Variants in ZSCAN2 observed in about 807,000 individuals in gnomAD.
The protein encoded by ZSCAN2 is zinc finger and SCAN domain-containing protein 2.
A neutral mutation model predicts 47.8 loss-of-function variants in ZSCAN2; 26 were observed. The observed-to-expected ratio is 0.54, with a 90% CI of 0.40 to 0.75. The LOEUF is 0.75. ZSCAN2 is among the 30% of genes least tolerant of loss of function. The pLI is 0.00. For missense variants in ZSCAN2, 732 were observed against 785.4 expected (o/e 0.93, Z 0.81); for synonymous variants, 305 against 288.7 (o/e 1.06, Z -0.57).
Position 84,623,247 on chromosome 15 carries a change from C to A in ZSCAN2, c.*1207C>A. 6.0e-6 allele frequency: 1 copy of A among 165,572 alleles called. No individual in the cohort carries two copies. Among genetic ancestry groups the A allele is most frequent in the Non-Finnish European group, 1.3e-5 (1 of 74,834 alleles). The allele number at this position is 165,572 out of a possible 1,614,324, so 10.3% of individuals were successfully genotyped here. A position where few individuals can be genotyped will look rare whatever the true frequency, so the allele number is the denominator to read the frequency against. The stretch of plus-strand genomic sequence containing the variant: ...GGACTACAGGTGCCCACCACCACAC[C>A]CAGCTAATTTCTTTTTTTGTATTTT... On this transcript the variant is annotated 3_prime_UTR_variant, in exon 3 of 3. Transcript: ENST00000546148.
intron 2 of ZSCAN2, among the ~76,000 whole-genome samples, chr15:84,604,793 A>G (rs1205033845): frequency 7.2e-6 from 1 of 138,402 alleles, no homozygotes; most frequent in Non-Finnish European, 1.5e-5. Flanking sequence ...GCTGGGGTGC[A>G]GTGGCACAAT....
Position 84,604,147 on chromosome 15 carries a change from C to T in ZSCAN2, c.220C>T (p.Gln74Ter). Residue 74 changes from glutamine to a stop codon, truncating the protein, a stop_gained, in exon 2 of 3, where the codon CAG (glutamine) becomes TAG (stop). Coordinates refer to ENST00000546148, the MANE Select transcript of ZSCAN2 (RefSeq NM_181877.4). LOFTEE classifies it high-confidence loss of function. ...CCAGGAGGAGGTGACCAGGGGACCA[C>T]AGGGTGCACTCGGCCGCCTCCGAGA... ...GPQEEVTRGP[Q>*]GALGRLRELC... The T allele has an allele frequency of 6.2e-7, 1 of 1,613,832 alleles. No individual in the cohort carries two copies. Among genetic ancestry groups the T allele is most frequent in the Non-Finnish European group, 8.5e-7 (1 of 1,179,894 alleles).
At chr15:84,607,253 T>A (rs1025155266) in intron 2 of ZSCAN2, among the ~76,000 whole-genome samples, 1 of 152,142 alleles carries the variant, frequency 6.6e-6, no homozygotes, top group Non-Finnish European at 1.5e-5. Flanking sequence ...ACTGAACCTG[T>A]CTTCAGCTTC....
chr15:84,604,291 GCGGCCCTGGTGGAAGA>G lies in ZSCAN2; in HGVS notation c.366_381del (p.Ala123Ter). 6.2e-7 allele frequency: 1 copy of G among 1,613,772 alleles called. No homozygotes were observed. Among genetic ancestry groups the G allele is most frequent in the South Asian group, 1.1e-5 (1 of 91,034 alleles). On this transcript the variant is annotated frameshift_variant, in exon 2 of 3. Coordinates refer to ENST00000546148, the MANE Select transcript of ZSCAN2 (RefSeq NM_181877.4). LOFTEE classifies it high-confidence loss of function. The stretch of plus-strand genomic sequence containing the variant: ...TCGGCCTGAAAGCAGTGAGGAGGCA[GCGGCCCTGGTGGAAGA>G]CTTGACCCAGACCCTTCAGGACAGT...
rs779983081 is a variant in ZSCAN2, at chr15:84,620,790, G to A, written c.595G>A (p.Val199Met). Residue 199 changes from valine to methionine, a missense_variant, in exon 3 of 3, where the codon GTG (valine) becomes ATG (methionine). Transcript: ENST00000546148. ...GHSPGEDHGEVVSQDREVGQL... is the reference protein window; with the variant it reads ...GHSPGEDHGEMVSQDREVGQL... Reference sequence around the variant, plus strand: ...CAGCCCAGGTGAGGACCACGGGGAGGTGGTTTCTCAGGACAGGGAAGTTGG... The same window carrying A: ...CAGCCCAGGTGAGGACCACGGGGAGATGGTTTCTCAGGACAGGGAAGTTGG... The A allele has an allele frequency of 6.2e-6, 10 of 1,614,228 alleles. No individual in the cohort carries two copies. Among genetic ancestry groups the A allele is most frequent in the Non-Finnish European group, 8.5e-6 (10 of 1,180,038 alleles).
At chr15:84,608,530 CAAAAAAAA>C (rs1181525313) in intron 2 of ZSCAN2, among the ~76,000 whole-genome samples, 2 of 92,670 alleles carry the variant, frequency 2.2e-5, no homozygotes, top group South Asian at 3.5e-4. Context: ...GACTCTGTCT[CAAAAAAAA>C]AAAAAAAAAA....
chr15:84,620,483 T>G (rs914154306), intron 2 of ZSCAN2, 119 bp from the exon 3 acceptor site: 2 of 872,332 alleles, frequency 2.3e-6, no homozygotes, highest in Non-Finnish European at 3.6e-6. Flanking sequence ...GCTTTGAGGA[T>G]TTTCTAGCCT....
intron 2 of ZSCAN2, chr15:84,616,322 C>A: frequency 6.7e-7 from 1 of 1,493,896 alleles, no homozygotes; most frequent in Non-Finnish European, 9.3e-7. Context: ...CAGCTTCCTG[C>A]GTACATGGCT....
intron 2 of ZSCAN2, among the ~76,000 whole-genome samples, chr15:84,607,523 T>C (rs1567007735): frequency 6.6e-6 from 1 of 152,060 alleles, no homozygotes; most frequent in Non-Finnish European, 1.5e-5. Flanking sequence ...TTGTTTTTGT[T>C]TTTTTGAGAC....
intron 2 of ZSCAN2, chr15:84,614,818 C>G (rs1206267695): frequency 6.6e-6 from 1 of 152,068 alleles, no homozygotes; most frequent in East Asian, 1.9e-4. Flanking sequence ...AGTTGATTTT[C>G]TTTCCCCTTG....
chr15:84,621,089 G>T lies in ZSCAN2; in HGVS notation c.894G>T (p.Arg298Ser), dbSNP rs373788956. 1.1e-5 allele frequency: 17 copies of T among 1,613,674 alleles called. No homozygotes were observed. The highest frequency in any genetic ancestry group is 2.2e-5 in the South Asian group (2 of 91,064). The part of the protein sequence containing the change: ...SRSANLITHQ[R>S]IHTGEKPFQC... Reference sequence around the variant, plus strand: ...GTGCCAACCTCATAACCCACCAGAGGATCCACACGGGGGAAAAGCCCTTCC... The same window carrying T: ...GTGCCAACCTCATAACCCACCAGAGTATCCACACGGGGGAAAAGCCCTTCC... Residue 298 changes from arginine to serine, a missense_variant, in exon 3 of 3, where the codon AGG (arginine) becomes AGT (serine). Physicochemically the swap from Arg to Ser is moderately radical, Grantham distance 110 (BLOSUM62 -1). This residue lies in a region of ZSCAN2 where 412 missense variants were observed against 498.0 expected (regional missense o/e 0.83). Transcript: ENST00000546148. The surrounding 1 kb of genome is among the most constrained non-coding windows in gnomAD (Gnocchi z 5.7).
At chr15:84,602,904 T>C (rs1234319635) in intron 1 of ZSCAN2, among the ~76,000 whole-genome samples, 4 of 152,150 alleles carry the variant, frequency 2.6e-5, no homozygotes, top group Non-Finnish European at 5.9e-5. Context: ...TTCTAATACA[T>C]GCTGCTATAT....
intron 2 of ZSCAN2, chr15:84,606,585 G>A: frequency 1.9e-6 from 3 of 1,613,974 alleles, no homozygotes; most frequent in Non-Finnish European, 2.5e-6. Context: ...ATGAACTTCT[G>A]GATCTCCAGT....
Position 84,621,854 on chromosome 15 carries a change from G to A in ZSCAN2, c.1659G>A (p.Leu553=). The change falls in exon 3 of 3, where the codon TTG becomes TTA. Residue 553 remains leucine (L), a synonymous_variant. Coordinates refer to ENST00000546148, the MANE Select transcript of ZSCAN2 (RefSeq NM_181877.4). This position sits in a 1 kb window ranked among gnomAD's most constrained non-coding sequence, Gnocchi z 5.7. ...TGGTCATGCACCAGAGAGCCCATTT[G>A]GGAGACAAGCCCTACAGGTGCCCTG... ...SILVMHQRAH[L]GDKPYRCPEC... is the part of the protein sequence containing the mutation. 1 of 1,614,166 alleles carries A rather than the reference G, an allele frequency of 6.2e-7. No individual in the cohort carries two copies. The highest frequency in any genetic ancestry group is 2.2e-5 in the East Asian group (1 of 44,888).
In ZSCAN2 at chr15:84,622,347, T is replaced by A; in HGVS notation, c.*307T>A. ...TGCCTCAGTTTCCTCTTTGGTAAAA[T>A]GGGGGGAAATGTTTCTCCATGTGGA... On this transcript the variant is annotated 3_prime_UTR_variant, in exon 3 of 3. Coordinates refer to ENST00000546148, the MANE Select transcript of ZSCAN2 (RefSeq NM_181877.4). 1 of 572,072 alleles carries A rather than the reference T, an allele frequency of 1.7e-6. No homozygotes were observed. Among genetic ancestry groups the A allele is most frequent in the South Asian group, 2.4e-5 (1 of 42,108 alleles). The allele number at this position is 572,072 out of a possible 1,614,324, so 35.4% of individuals were successfully genotyped here.
intron 2 of ZSCAN2, among the ~76,000 whole-genome samples, chr15:84,619,289 G>A (rs1182257652): frequency 6.6e-6 from 1 of 152,136 alleles, no homozygotes; most frequent in African/African-American, 2.4e-5. Flanking sequence ...AATTAGCCGG[G>A]TGTGGTGGTG....
At chr15:84,609,156 A>G (rs1472338415) in intron 2 of ZSCAN2, among the ~76,000 whole-genome samples, 1 of 152,116 alleles carries the variant, frequency 6.6e-6, no homozygotes, top group Non-Finnish European at 1.5e-5. Context: ...GAACACATAC[A>G]TTCATTTGTC....
chr15:84,604,975 A>G (rs1274963628), intron 2 of ZSCAN2, among the ~76,000 whole-genome samples: 1 of 151,918 alleles, frequency 6.6e-6, no homozygotes, highest in Admixed American at 6.6e-5. Context: ...TAACCTCGTG[A>G]TCCGCCCACC....
intron 2 of ZSCAN2, among the ~76,000 whole-genome samples, chr15:84,610,962 G>C (rs1023105375): frequency 6.6e-6 from 1 of 152,170 alleles, no homozygotes; most frequent in Non-Finnish European, 1.5e-5. Flanking sequence ...AAAGGTAAAA[G>C]ATATAAACAA....
Sources: allele counts gnomAD v4.1 joint callset (sites outside exome capture counted in the v4.1 genomes callset), GRCh38; gene constraint gnomAD v4.1.1; regional missense constraint gnomAD v4.1.1; non-coding constraint Gnocchi (gnomAD v3.1); transcripts MANE v1.5; gene names NCBI Gene and HGNC (gene_info 2026-07-23, HGNC 2026-07-21).